The following TTC6 variants were observed in gnomAD, a reference collection of about 807,000 sequenced individuals.
The protein encoded by TTC6 is tetratricopeptide repeat domain 6.
TTC6 carries 172 observed loss-of-function variants against 210.4 expected under a neutral mutation model. The observed-to-expected ratio is 0.82, with a 90% CI of 0.72 to 0.93. The LOEUF (loss-of-function observed/expected upper bound fraction) is 0.93, where lower values mean the gene tolerates loss of function less well. Ranked by LOEUF, TTC6 falls within the 40% of genes least tolerant of loss-of-function variation. The pLI, the probability that TTC6 is intolerant of heterozygous loss-of-function variation, is 0.00. For missense variants in TTC6, 2,414 were observed against 2,318.1 expected, an observed-to-expected ratio of 1.04 and a Z score of -0.85; for synonymous variants, 804 against 819.6, an observed-to-expected ratio of 0.98 and a Z score of 0.32.
At chr14:37,762,986 G>A (rs1385085061) in intron 14 of TTC6, among the ~76,000 whole-genome samples, 7 of 149,394 alleles carry the variant, frequency 4.7e-5, no homozygotes, top group Non-Finnish European at 7.4e-5. Flanking sequence ...CCGGGTTCAC[G>A]CCATTCTCCT....
chr14:37,677,387 T>A lies in TTC6; in HGVS notation c.940-2764T>A, dbSNP rs372349750. Among the ~76,000 whole-genome samples, 94 of 152,270 alleles carry A rather than the reference T, an allele frequency of 6.2e-4. 3 individuals carry two copies. In the South Asian group the frequency reaches 0.018, roughly 30 times the overall value. Reference sequence around the variant, plus strand: ...AAAATAAAACTTATTTTTACATATTTACCCTGTACCCTACAACTTTAGTGA... The same window carrying A: ...AAAATAAAACTTATTTTTACATATTAACCCTGTACCCTACAACTTTAGTGA... On this transcript the variant is annotated intron_variant, in intron 1 of 30. Coordinates refer to ENST00000553443, the Ensembl canonical transcript of TTC6.
chr14:37,744,663 G>A (rs1341025265), intron 10 of TTC6, among the ~76,000 whole-genome samples: 4 of 152,276 alleles, frequency 2.6e-5, no homozygotes, highest in South Asian at 4.1e-4. Context: ...ATTCTTAAGA[G>A]TGCCAAGAAA....
intron 14 of TTC6, among the ~76,000 whole-genome samples, chr14:37,773,907 G>A (rs1300009998): frequency 1.3e-5 from 2 of 151,772 alleles, no homozygotes; most frequent in African/African-American, 4.8e-5. Flanking sequence ...TGTTTTTTTC[G>A]TTTGTTTGTG....
intron 1 of TTC6, among the ~76,000 whole-genome samples, chr14:37,656,162 C>T (rs2095722459): frequency 1.3e-5 from 2 of 152,094 alleles, no homozygotes; most frequent in Non-Finnish European, 2.9e-5. Context: ...CATCTTGAAT[C>T]AAAAATCCAG....
chr14:37,805,810 C>G (rs921400579), intron 21 of TTC6, among the ~76,000 whole-genome samples: 7 of 152,262 alleles, frequency 4.6e-5, no homozygotes, highest in Middle Eastern at 3.4e-3. Context: ...AAGCGATTCT[C>G]CTGCCTCAGC....
intron 27 of TTC6, among the ~76,000 whole-genome samples, chr14:37,824,782 C>T (rs1024734745): frequency 3.3e-5 from 5 of 151,958 alleles, no homozygotes; most frequent in Non-Finnish European, 7.4e-5. Context: ...AAGCAGGGGC[C>T]GTGGCTAGGA....
chr14:37,818,941 T>C (rs1017572499), intron 26 of TTC6, among the ~76,000 whole-genome samples: 1 of 152,194 alleles, frequency 6.6e-6, no homozygotes, highest in African/African-American at 2.4e-5. Flanking sequence ...GCTCCAAAAC[T>C]ACTCTCTACC....
rs182244058 is a variant in TTC6, at chr14:37,719,580, T to G, written c.1713+4784T>G. Among the ~76,000 whole-genome samples, 756 of 152,238 alleles carry G rather than the reference T, an allele frequency of 5.0e-3. 4 individuals carry two copies. Among genetic ancestry groups the G allele is most frequent in the Non-Finnish European group, 8.4e-3 (571 of 67,986 alleles). On this transcript the variant is annotated intron_variant, in intron 6 of 30. Transcript: ENST00000553443. ...ATGCACAACTGATTTTTTATAAAAA[T>G]GCAAAAATTATTCAATGGTGTAGGA...
intron 26 of TTC6, among the ~76,000 whole-genome samples, chr14:37,821,749 G>GAATGTCTC (rs1352876103): frequency 6.8e-6 from 1 of 146,628 alleles, no homozygotes; most frequent in Non-Finnish European, 1.5e-5. Flanking sequence ...ACATCAAGGA[G>GAATGTCTC]AATGTCTCAG....
At chr14:37,622,337 G>T (rs2095652598) in exon 1 of TTC6, 8 of 1,531,908 alleles carry the variant, frequency 5.2e-6, no homozygotes, top group Non-Finnish European at 7.0e-6. Flanking sequence ...CCCTCCTGCA[G>T]GAGGTGCTCG....
At chr14:37,663,979 A>G (rs992847673) in intron 1 of TTC6, among the ~76,000 whole-genome samples, 1 of 148,696 alleles carries the variant, frequency 6.7e-6, no homozygotes, top group Non-Finnish European at 1.5e-5. Flanking sequence ...AGAACTATAA[A>G]CCACTGCTCA....
intron 7 of TTC6, among the ~76,000 whole-genome samples, chr14:37,728,815 A>G (rs1372936713): frequency 6.6e-6 from 1 of 152,174 alleles, no homozygotes; most frequent in Non-Finnish European, 1.5e-5. Flanking sequence ...AAATCACACT[A>G]GTGGTATGTG....
chr14:37,671,158 C>T lies in TTC6; in HGVS notation c.940-8993C>T, dbSNP rs1038981044. 2.0e-5 allele frequency among the ~76,000 whole-genome samples: 3 copies of T among 152,084 alleles called. No individual in the cohort carries two copies. In the East Asian group the frequency reaches 5.8e-4, roughly 29 times the overall value. On this transcript the variant is annotated intron_variant, in intron 1 of 30. Transcript: ENST00000553443. ...CTTGATTGAGACTGAGGGATCTGCTCCCAGGATGCCTCAGTCATAAGACTG... is the reference window on the plus strand; with the variant it reads ...CTTGATTGAGACTGAGGGATCTGCTTCCAGGATGCCTCAGTCATAAGACTG...
At chr14:37,794,484 T>G (rs1263467785) in intron 17 of TTC6, among the ~76,000 whole-genome samples, 1 of 151,188 alleles carries the variant, frequency 6.6e-6, no homozygotes, top group African/African-American at 2.5e-5. Flanking sequence ...CTTTTGGTAA[T>G]ATTTTCAATG....
intron 19 of TTC6, 86 bp from the exon 22 acceptor site, chr14:37,796,699 CAA>C: frequency 1.6e-6 from 2 of 1,235,874 alleles, no homozygotes; most frequent in East Asian, 2.6e-5. Flanking sequence ...ATTATAAAGA[CAA>C]ATTATTGAAT....
chr14:37,722,985 G>A (rs573519225), intron 6 of TTC6, among the ~76,000 whole-genome samples: 37 of 152,080 alleles, frequency 2.4e-4, no homozygotes, highest in African/African-American at 8.9e-4. Context: ...TATTTACTCA[G>A]TCATTTATTT....
chr14:37,802,788 A>C (rs2096109930), intron 20 of TTC6, among the ~76,000 whole-genome samples: 1 of 149,118 alleles, frequency 6.7e-6, no homozygotes, highest in Non-Finnish European at 1.5e-5. Flanking sequence ...GCTGGAGTGC[A>C]GTGGCGCAAT....
intron 1 of TTC6, among the ~76,000 whole-genome samples, chr14:37,596,271 A>G (rs1157808600): frequency 6.6e-6 from 1 of 152,188 alleles, no homozygotes; most frequent in Non-Finnish European, 1.5e-5. Context: ...GGGGGAGGGG[A>G]CATCTCCCAT....
chr14:37,701,839 T>G (rs564361102), intron 5 of TTC6, among the ~76,000 whole-genome samples: 2 of 152,140 alleles, frequency 1.3e-5, no homozygotes, highest in East Asian at 1.9e-4. Context: ...GTAATAAAAT[T>G]TAAGCAATTA....
Sources: gnomAD v4.1 joint callset for allele counts (sites outside exome capture counted in the v4.1 genomes callset) on GRCh38, gnomAD v4.1.1 for gene constraint, MANE v1.5 for transcripts, NCBI Gene and HGNC (gene_info 2026-07-23, HGNC 2026-07-21) for gene names.